The following SIK3 variants were observed in gnomAD, a reference collection of about 807,000 sequenced individuals.
The protein encoded by SIK3 is SIK family kinase 3, also known as serine/threonine-protein kinase SIK3.
A neutral mutation model predicts 144.2 loss-of-function variants in SIK3; 28 were observed. That is an observed-to-expected ratio of 0.19 (90% CI 0.14 to 0.27). The LOEUF (loss-of-function observed/expected upper bound fraction) is 0.27, where lower values mean the gene tolerates loss of function less well. SIK3 is among the 10% of genes least tolerant of loss of function. SIK3 has a pLI of 1.00. For missense variants in SIK3, 1,319 were observed against 1,776.0 expected, an observed-to-expected ratio of 0.74 and a Z score of 4.62; for synonymous variants, 686 against 676.3, an observed-to-expected ratio of 1.01 and a Z score of -0.22.
intron 21 of SIK3, among the ~76,000 whole-genome samples, chr11:116,851,925 A>C (rs1205777970): frequency 1.3e-5 from 2 of 152,170 alleles, no homozygotes; most frequent in Non-Finnish European, 2.9e-5. Context: ...TTTTTCAAAA[A>C]CCTATATTGT....
At chr11:116,888,809 T>G (rs1944956365) in intron 6 of SIK3, among the ~76,000 whole-genome samples, 1 of 152,250 alleles carries the variant, frequency 6.6e-6, no homozygotes, top group South Asian at 2.1e-4. Flanking sequence ...CTTGAAGCTT[T>G]CAGGTTAACT....
At position 116,954,092 on chromosome 11, in the gene SIK3, G is replaced by A. The variant is rs1426618551; in HGVS notation, c.406C>T (p.Arg136Trp). Residue 136 changes from arginine (R) to tryptophan (W), a missense_variant, in exon 3 of 25, where the codon CGG becomes TGG. Arg to Trp is a moderately radical substitution (Grantham distance 101). Coordinates refer to ENST00000445177, the MANE Select transcript of SIK3 (RefSeq NM_001366686.3). The stretch of plus-strand genomic sequence containing the variant: ...TATTCTGTCACCAGATAAATCATCC[G>A]TTCTGTCTCCATAACCTGGTGCAAA... The part of the protein sequence containing the change: ...IRLYQVMETE[R>W]MIYLVTEYAS... The A allele has an allele frequency of 4.3e-6, 7 of 1,613,856 alleles. No homozygotes were observed. The highest frequency in any genetic ancestry group is 4.2e-6 in the Non-Finnish European group (5 of 1,179,884).
chr11:116,851,038 T>G (rs984067195), intron 21 of SIK3, among the ~76,000 whole-genome samples: 1 of 152,122 alleles, frequency 6.6e-6, no homozygotes, highest in Non-Finnish European at 1.5e-5. Context: ...AAATACTCTC[T>G]TAATATGGGT....
intron 1 of SIK3, among the ~76,000 whole-genome samples, chr11:116,996,256 C>T (rs941245639): frequency 5.9e-5 from 9 of 151,838 alleles, no homozygotes; most frequent in Non-Finnish European, 8.8e-5. Flanking sequence ...TGCAATGAGC[C>T]GAGATTGTGC....
intron 1 of SIK3, among the ~76,000 whole-genome samples, chr11:117,097,689 C>T (rs1215361534): frequency 6.6e-6 from 1 of 152,064 alleles, no homozygotes; most frequent in Non-Finnish European, 1.5e-5. Flanking sequence ...TCCTGGGTCC[C>T]CTTACAAGCC....
At chr11:116,913,232 T>C (rs899703982) in intron 4 of SIK3, among the ~76,000 whole-genome samples, 5 of 151,632 alleles carry the variant, frequency 3.3e-5, no homozygotes. Context: ...AATAGAGAAG[T>C]AATGCCAAAA....
chr11:116,950,037 C>A (rs1948862639), intron 3 of SIK3: 5 of 458,190 alleles, frequency 1.1e-5, no homozygotes, highest in Non-Finnish European at 2.2e-5. Flanking sequence ...AGCCTGGGGT[C>A]CTCTCAGCTT....
chr11:117,077,439 C>A (rs1361404030), intron 1 of SIK3, among the ~76,000 whole-genome samples: 1 of 152,172 alleles, frequency 6.6e-6, no homozygotes, highest in Non-Finnish European at 1.5e-5. Context: ...CCTACAAAAG[C>A]TTTCTAATTG....
chr11:116,949,209 T>C (rs949806316), intron 3 of SIK3, among the ~76,000 whole-genome samples: 2 of 152,214 alleles, frequency 1.3e-5, no homozygotes, highest in African/African-American at 2.4e-5. Flanking sequence ...CATGCCCAGC[T>C]AAAAGCTAGA....
At chr11:117,089,235 G>A (rs940891379) in intron 1 of SIK3, among the ~76,000 whole-genome samples, 1 of 151,786 alleles carries the variant, frequency 6.6e-6, no homozygotes, top group Non-Finnish European at 1.5e-5. Context: ...GTGAAACGCC[G>A]TCTCTACTAA....
At chr11:116,992,399 G>A (rs920704722) in intron 1 of SIK3, among the ~76,000 whole-genome samples, 15 of 148,614 alleles carry the variant, frequency 1.0e-4, no homozygotes, top group African/African-American at 3.7e-4. Context: ...TACTATTTCT[G>A]ATTCTATTGT....
chr11:117,091,157 T>C (rs1955225824), intron 1 of SIK3, among the ~76,000 whole-genome samples: 1 of 150,130 alleles, frequency 6.7e-6, no homozygotes. Flanking sequence ...ATAATTGGTC[T>C]AAATGACTTT....
intron 3 of SIK3, among the ~76,000 whole-genome samples, chr11:116,934,844 C>T (rs1034582134): frequency 6.6e-6 from 1 of 152,068 alleles, no homozygotes; most frequent in Admixed American, 6.6e-5. Flanking sequence ...CTTTGGGAGG[C>T]AGAGGTAGGT....
At position 116,873,640 on chromosome 11, in the gene SIK3, C is replaced by T. The variant is rs748956149; in HGVS notation, c.1582-4G>A. The T allele has an allele frequency of 3.9e-6, 6 of 1,543,128 alleles. No homozygotes were observed. The South Asian group carries it at 6.4e-5, about 16-fold the overall frequency. On this transcript the variant is annotated splice_polypyrimidine_tract_variant and splice_region_variant and intron_variant, in intron 12 of 24. Coordinates refer to ENST00000445177, the MANE Select transcript of SIK3 (RefSeq NM_001366686.3). ...GCGGCTGTAGGAGAGACTGCTCCTG[C>T]CAGGAACAGAGTGGGGAGGACGGAC...
chr11:117,059,884 C>T (rs1213015206), intron 1 of SIK3, among the ~76,000 whole-genome samples: 1 of 152,136 alleles, frequency 6.6e-6, no homozygotes, highest in Admixed American at 6.5e-5. Flanking sequence ...ACAACAGGAA[C>T]TCTCATTTAC....
chr11:117,087,483 C>T (rs1955068136), intron 1 of SIK3, among the ~76,000 whole-genome samples: 1 of 149,122 alleles, frequency 6.7e-6, no homozygotes, highest in South Asian at 2.1e-4. Flanking sequence ...TGTCATTCCT[C>T]TTCCAGGTTT....
At chr11:116,995,716 T>C (rs1337476082) in intron 1 of SIK3, among the ~76,000 whole-genome samples, 1 of 152,214 alleles carries the variant, frequency 6.6e-6, no homozygotes, top group Non-Finnish European at 1.5e-5. Context: ...ATCTATTTTG[T>C]CTGTTAGCTC....
At chr11:116,938,572 GGAGGGGAGGGGAGGAGAGGA>G (rs1948092870) in intron 3 of SIK3, among the ~76,000 whole-genome samples, 11 of 17,758 alleles carry the variant, frequency 6.2e-4, no homozygotes, top group African/African-American at 3.2e-3. Flanking sequence ...GGAGGGGAGG[GGAGGGGAGGGGAGGAGAGGA>G]GAGGGGAGGA....
chr11:116,912,558 CAG>C (rs1946405487), intron 4 of SIK3, among the ~76,000 whole-genome samples: 1 of 152,188 alleles, frequency 6.6e-6, no homozygotes, highest in African/African-American at 2.4e-5. Context: ...CAATACAGTA[CAG>C]CTTTGAGCGA....
Sources: gnomAD v4.1 joint callset for allele counts (sites outside exome capture counted in the v4.1 genomes callset) on GRCh38, gnomAD v4.1.1 for gene constraint, MANE v1.5 for transcripts, NCBI Gene and HGNC (gene_info 2026-07-23, HGNC 2026-07-21) for gene names.